MCTP2: variants seen among roughly 807,000 people sequenced by gnomAD.
The protein encoded by MCTP2 is multiple C2 and transmembrane domain-containing protein 2.
Under a neutral mutation model 111.6 loss-of-function variants are expected in MCTP2, and 132 were observed. The ratio of observed to expected loss-of-function variants is 1.18; its 90% CI spans 1.03 to 1.37. MCTP2 has a LOEUF of 1.37. Ranked by LOEUF, MCTP2 falls within the 40% of genes most tolerant of loss-of-function variation. The probability of loss-of-function intolerance (pLI) is 0.00; values close to 1 mark genes in which losing one functional copy is unlikely to be tolerated. For missense variants in MCTP2, 1,183 were observed against 1,067.9 expected (o/e 1.11, Z -1.50); for synonymous variants, 395 against 387.7 (o/e 1.02, Z -0.22).
Position 94,457,632 on chromosome 15 carries a change from C to T in MCTP2, c.2251-505C>T, listed in dbSNP as rs185723617. ...TGCCAAAGGATGGATGAAATGTCAT[C>T]GGGCTGGCAATATGTTTAGAACATG... is the stretch of plus-strand genomic sequence containing the variant. On this transcript the variant is annotated intron_variant, in intron 19 of 22. Transcript: ENST00000357742. Among the ~76,000 whole-genome samples the T allele has an allele frequency of 2.0e-4, 30 of 152,236 alleles. No homozygotes were observed. In the East Asian group the frequency reaches 4.1e-3, roughly 21 times the overall value.
At position 94,474,390 on chromosome 15, in the gene MCTP2, C is replaced by T. The variant is rs925707121; in HGVS notation, c.2471-2306C>T. On this transcript the variant is annotated intron_variant, in intron 21 of 22. Coordinates refer to ENST00000357742, the MANE Select transcript of MCTP2 (RefSeq NM_001385001.1). Reference sequence around the variant, plus strand: ...TGCCTGTACTGCCCAATGTGATTCTCCCATCTACCCAAGAAACTCTATAAG... The same window carrying T: ...TGCCTGTACTGCCCAATGTGATTCTTCCATCTACCCAAGAAACTCTATAAG... Among the ~76,000 whole-genome samples the T allele has an allele frequency of 2.0e-5, 3 of 152,142 alleles. No homozygotes were observed. In the East Asian group the frequency reaches 5.8e-4, roughly 29 times the overall value.
At chr15:94,294,777 T>C (rs892544555) in intron 1 of MCTP2, among the ~76,000 whole-genome samples, 1 of 152,110 alleles carries the variant, frequency 6.6e-6, no homozygotes, top group Non-Finnish European at 1.5e-5. Flanking sequence ...GCCTCTCCCC[T>C]AGGATTCCTA....
chr15:94,300,525 G>T (rs1377065129), intron 2 of MCTP2, among the ~76,000 whole-genome samples: 2 of 127,762 alleles, frequency 1.6e-5, no homozygotes, highest in Non-Finnish European at 3.3e-5. Flanking sequence ...AAAAAAAAAA[G>T]AACTTTTATT....
chr15:94,254,738 A>G (rs2072656756), intron 1 of MCTP2, among the ~76,000 whole-genome samples: 1 of 152,222 alleles, frequency 6.6e-6, no homozygotes, highest in Non-Finnish European at 1.5e-5. Flanking sequence ...CTTGCTGTGA[A>G]TGAATGAATA....
intron 19 of MCTP2, among the ~76,000 whole-genome samples, chr15:94,449,543 A>G (rs886687989): frequency 3.9e-5 from 6 of 152,208 alleles, no homozygotes; most frequent in Non-Finnish European, 8.8e-5. Flanking sequence ...TTTGTACCAA[A>G]GCCTCTATGA....
chr15:94,255,566 T>C (rs2072711510), intron 1 of MCTP2, among the ~76,000 whole-genome samples: 2 of 152,176 alleles, frequency 1.3e-5, no homozygotes, highest in African/African-American at 4.8e-5. Context: ...CATAAAGACC[T>C]CTAAAAACAT....
chr15:94,247,951 T>C (rs2072137246), intron 1 of MCTP2, among the ~76,000 whole-genome samples: 1 of 152,196 alleles, frequency 6.6e-6, no homozygotes, highest in South Asian at 2.1e-4. Flanking sequence ...AAATCCAGTC[T>C]CTTCCCCTCA....
chr15:94,249,488 C>G (rs909980753), intron 1 of MCTP2, among the ~76,000 whole-genome samples: 15 of 142,802 alleles, frequency 1.1e-4, no homozygotes, highest in African/African-American at 3.8e-4. Context: ...GTCTCAGAAT[C>G]TTTTTTTTTT....
chr15:94,326,816 C>G (rs147833309), intron 4 of MCTP2, among the ~76,000 whole-genome samples: 8 of 51,276 alleles, frequency 1.6e-4, no homozygotes, highest in East Asian at 7.4e-4. Flanking sequence ...GATCCCCGCC[C>G]CACCCCCCCC....
chr15:94,244,277 T>TACATATGTGTATATATATACAC, intron 1 of MCTP2, among the ~76,000 whole-genome samples: 2 of 132,552 alleles, frequency 1.5e-5, no homozygotes, highest in Admixed American at 7.5e-5. Context: ...TATACACACA[T>TACATATGTGTATATATATACAC]ATATACACAT....
intron 4 of MCTP2, among the ~76,000 whole-genome samples, chr15:94,325,941 T>C (rs1282172883): frequency 6.7e-6 from 1 of 148,956 alleles, no homozygotes; most frequent in East Asian, 2.1e-4. Flanking sequence ...TGCATCAGCC[T>C]CCCGAGTAGC....
chr15:94,324,554 T>C lies in MCTP2; in HGVS notation c.637+8917T>C, dbSNP rs150208195. 4.8e-3 allele frequency among the ~76,000 whole-genome samples: 738 copies of C among 152,300 alleles called. 7 individuals are homozygous for C. The highest frequency in any genetic ancestry group is 0.016 in the African/African-American group (662 of 41,552). ...GCGAGTTTTAGTGGATGAAAATAAA[T>C]GAACACTCATTCAGAAAACTGCTCT... On this transcript the variant is annotated intron_variant, in intron 4 of 22. Coordinates refer to ENST00000357742, the MANE Select transcript of MCTP2 (RefSeq NM_001385001.1).
intron 3 of MCTP2, 27 bp downstream of exon 3, chr15:94,314,371 A>G (rs1469755436): frequency 6.6e-7 from 1 of 1,518,672 alleles, no homozygotes. Flanking sequence ...AAAAAGAAAC[A>G]TTAAATGTTG....
intron 21 of MCTP2, among the ~76,000 whole-genome samples, chr15:94,475,385 A>G (rs2074268497): frequency 6.6e-6 from 1 of 152,196 alleles, no homozygotes. Flanking sequence ...CTGACCCTCC[A>G]AAGAAATAAC....
chr15:94,334,237 G>A (rs190408403), intron 4 of MCTP2, among the ~76,000 whole-genome samples: 5 of 152,288 alleles, frequency 3.3e-5, no homozygotes, highest in Non-Finnish European at 7.3e-5. Flanking sequence ...TATCTCACAA[G>A]TGAAGATATT....
At position 94,411,863 on chromosome 15, in the gene MCTP2, T is replaced by G. The variant is rs144846409; in HGVS notation, c.2085+9844T>G. On this transcript the variant is annotated intron_variant, in intron 17 of 22. Transcript: ENST00000357742. ...TCTAGTCTCCCTGGGATTCTCTTATTACCTAAATCCATATTGGTTTTGGCC... is the reference window on the plus strand; with the variant it reads ...TCTAGTCTCCCTGGGATTCTCTTATGACCTAAATCCATATTGGTTTTGGCC... Among the ~76,000 whole-genome samples the G allele has an allele frequency of 3.0e-3, 454 of 152,314 alleles. 1 individual carries two copies. Among genetic ancestry groups the G allele is most frequent in the African/African-American group, 0.01 (427 of 41,578 alleles).
intron 4 of MCTP2, among the ~76,000 whole-genome samples, chr15:94,336,950 C>G (rs75203163): frequency 0.026 from 3,987 of 152,074 alleles, 149 homozygotes; most frequent in African/African-American, 0.091. Context: ...TCGCCGAGTA[C>G]CACACTACTA....
At chr15:94,413,165 T>C (rs2082228304) in intron 17 of MCTP2, among the ~76,000 whole-genome samples, 1 of 152,228 alleles carries the variant, frequency 6.6e-6, no homozygotes, top group Non-Finnish European at 1.5e-5. Flanking sequence ...TAGAAACTCA[T>C]AAATGATAAA....
intron 1 of MCTP2, among the ~76,000 whole-genome samples, chr15:94,260,120 A>G (rs543182954): frequency 3.3e-5 from 5 of 152,152 alleles, no homozygotes; most frequent in East Asian, 1.9e-4. Flanking sequence ...TTGTCTTCTC[A>G]CTTCTGTTTT....
Sources: gnomAD v4.1 joint callset for allele counts (sites outside exome capture counted in the v4.1 genomes callset) on GRCh38, gnomAD v4.1.1 for gene constraint, MANE v1.5 for transcripts, NCBI Gene and HGNC (gene_info 2026-07-23, HGNC 2026-07-21) for gene names.